Variants in RGS8 observed in about 807,000 individuals in gnomAD.
RGS8 encodes the protein regulator of G-protein signaling 8.
RGS8 carries 8 observed loss-of-function variants against 21.7 expected under a neutral mutation model. The ratio of observed to expected loss-of-function variants is 0.37; its 90% confidence interval spans 0.22 to 0.66. RGS8 has a LOEUF of 0.66. Ranked by LOEUF, RGS8 falls within the 30% of genes least tolerant of loss-of-function variation. The pLI is 0.59. For missense variants in RGS8, 157 were observed against 217.9 expected (o/e 0.72, Z 1.76); for synonymous variants, 80 against 83.6 (o/e 0.96, Z 0.24).
At chr1:182,667,454 G>A (rs2102437729) in intron 3 of RGS8, among the ~76,000 whole-genome samples, 1 of 152,206 alleles carries the variant, frequency 6.6e-6, no homozygotes, top group East Asian at 1.9e-4. Flanking sequence ...CAAAGCAGGG[G>A]GCCTCAAGGC....
chr1:182,662,893 G>A (rs755181274), intron 5 of RGS8, among the ~76,000 whole-genome samples: 14 of 151,936 alleles, frequency 9.2e-5, no homozygotes, highest in Non-Finnish European at 2.1e-4. Flanking sequence ...AAACATAAAT[G>A]AGTGCCCAAA....
chr1:182,702,952 A>G, the RGS8 span, among the ~76,000 whole-genome samples: 7 of 152,380 alleles, frequency 4.6e-5, no homozygotes, highest in African/African-American at 1.7e-4. Context: ...ATTACAATGT[A>G]TAGGCAATGA....
the RGS8 span, among the ~76,000 whole-genome samples, chr1:182,706,140 G>T: frequency 6.6e-6 from 1 of 151,802 alleles, no homozygotes; most frequent in South Asian, 2.1e-4. Context: ...GCACTACTAC[G>T]CCCAGCTCAT....
intron 5 of RGS8, among the ~76,000 whole-genome samples, chr1:182,652,787 C>T (rs536346213): frequency 6.3e-4 from 96 of 152,182 alleles, no homozygotes; most frequent in Middle Eastern, 3.4e-3. Context: ...GTGCCTTTGC[C>T]GGCCCTGAGG....
At chr1:182,665,913 A>G (rs540675691) in intron 5 of RGS8, 56 bp downstream of exon 6, 2 of 1,479,662 alleles carry the variant, frequency 1.4e-6, no homozygotes, top group Non-Finnish European at 9.5e-7. Flanking sequence ...CCTTTGGTAC[A>G]TCTCTCACTA....
chr1:182,742,631 C>T, the RGS8 span, among the ~76,000 whole-genome samples: 101 of 152,308 alleles, frequency 6.6e-4, no homozygotes, highest in African/African-American at 2.2e-3. Context: ...CGCAGGCACT[C>T]GGCAAGCTGA....
the RGS8 span, among the ~76,000 whole-genome samples, chr1:182,738,052 C>T: frequency 6.6e-6 from 1 of 152,178 alleles, no homozygotes; most frequent in Admixed American, 6.5e-5. Context: ...CTTTTTAAAG[C>T]AACTAAATGT....
At position 182,646,896 on chromosome 1, in the gene RGS8, G is replaced by A. The variant is rs1338519849; in HGVS notation, c.382C>T (p.Arg128Ter). 2 of 1,613,570 alleles carry A rather than the reference G, an allele frequency of 1.2e-6. No individual in the cohort carries two copies. Among genetic ancestry groups the A allele is most frequent in the African/African-American group, 1.3e-5 (1 of 74,884 alleles). Residue 128 changes from arginine (R) to a stop codon, truncating the protein, a stop_gained, in exon 7 of 7, where the codon CGA becomes TGA. Coordinates refer to ENST00000483095, the Ensembl canonical transcript of RGS8. LOFTEE classifies it high-confidence loss of function. The stretch of plus-strand genomic sequence containing the variant: ...TGCAGGTTCTTCCTCGTGGCTTCTC[G>A]GGTCTGGAAGTCAATGTTTACCTAG...
At chr1:182,696,852 C>G in the RGS8 span, among the ~76,000 whole-genome samples, 1 of 152,090 alleles carries the variant, frequency 6.6e-6, no homozygotes, top group Non-Finnish European at 1.5e-5. Flanking sequence ...GGCTTATGAA[C>G]CTGAAGGGAG....
upstream of RGS8, among the ~76,000 whole-genome samples, chr1:182,673,212 T>C (rs1664244351): frequency 6.6e-6 from 1 of 152,234 alleles, no homozygotes; most frequent in Admixed American, 6.5e-5. Context: ...GTGATGGCTT[T>C]ATAATAATGG....
chr1:182,676,748 A>G (rs1482299834), upstream of RGS8, among the ~76,000 whole-genome samples: 3 of 152,224 alleles, frequency 2.0e-5, no homozygotes, highest in African/African-American at 7.2e-5. Context: ...ACCAAGAAGC[A>G]CAGGATTTGG....
At chr1:182,720,160 CT>C in the RGS8 span, among the ~76,000 whole-genome samples, 1 of 152,078 alleles carries the variant, frequency 6.6e-6, no homozygotes, top group African/African-American at 2.4e-5. Context: ...AAAGTCTTCT[CT>C]TGTTTGTTTG....
chr1:182,718,029 G>A, the RGS8 span, among the ~76,000 whole-genome samples: 14 of 152,144 alleles, frequency 9.2e-5, no homozygotes, highest in Non-Finnish European at 1.8e-4. Context: ...TGTTGTCCAC[G>A]TAGCTGGAAC....
the RGS8 span, among the ~76,000 whole-genome samples, chr1:182,720,415 T>C: frequency 2.0e-5 from 3 of 152,234 alleles, no homozygotes; most frequent in African/African-American, 7.2e-5. Context: ...TATAGCCTTT[T>C]AAGTAGAAGC....
At chr1:182,713,666 T>A in the RGS8 span, among the ~76,000 whole-genome samples, 1 of 152,166 alleles carries the variant, frequency 6.6e-6, no homozygotes, top group African/African-American at 2.4e-5. Context: ...CTGTCCCCAC[T>A]GCCATGCTAT....
At chr1:182,736,316 T>C in the RGS8 span, among the ~76,000 whole-genome samples, 1 of 152,244 alleles carries the variant, frequency 6.6e-6, no homozygotes, top group East Asian at 1.9e-4. Context: ...AGAGAGCAGA[T>C]GTGTAGCATT....
chr1:182,746,115 G>A, the RGS8 span, among the ~76,000 whole-genome samples: 1 of 151,950 alleles, frequency 6.6e-6, no homozygotes, highest in Non-Finnish European at 1.5e-5. Context: ...TCTTCCCTGG[G>A]CTAAAAAGCC....
the RGS8 span, among the ~76,000 whole-genome samples, chr1:182,715,514 C>T: frequency 6.6e-6 from 1 of 152,164 alleles, no homozygotes; most frequent in Non-Finnish European, 1.5e-5. Context: ...TTAGCAGTTT[C>T]CTAACTTTAG....
chr1:182,745,934 T>C, the RGS8 span, among the ~76,000 whole-genome samples: 1 of 152,060 alleles, frequency 6.6e-6, no homozygotes, highest in Admixed American at 6.5e-5. Context: ...TTCTAATAAA[T>C]TCCTCAAGTA....
Sources: gnomAD v4.1 joint callset for allele counts (sites outside exome capture counted in the v4.1 genomes callset) on GRCh38, gnomAD v4.1.1 for gene constraint, MANE v1.5 for transcripts, NCBI Gene and HGNC (gene_info 2026-07-23, HGNC 2026-07-21) for gene names.